The following NAA15 variants were observed in gnomAD, a reference collection of about 807,000 sequenced individuals.
NAA15 encodes the protein N-alpha-acetyltransferase 15, NatA auxiliary subunit, also known as N-terminal acetyltransferase.
In NAA15, 34 loss-of-function variants were observed where a neutral mutation model predicts 114.0. The observed-to-expected ratio is 0.30, with a 90% CI of 0.23 to 0.40. The LOEUF (loss-of-function observed/expected upper bound fraction) is 0.40. NAA15 is among the 10% of genes least tolerant of loss of function. NAA15 has a pLI of 1.00. For synonymous variants in NAA15, 340 were observed against 338.0 expected (o/e 1.01, Z -0.06); for missense variants, 658 against 1,004.5 (o/e 0.66, Z 4.66).
Position 139,349,547 on chromosome 4 carries a change from C to G in NAA15, c.777C>G (p.Ala259=), listed in dbSNP as rs758577943. The change falls in exon 7 of 20, where the codon GCC becomes GCG. Residue 259 remains alanine, a synonymous_variant. Transcript: ENST00000296543. ...AAGAGAGAAATCCTGAAAACTGGGC[C>G]TATTACAAAGGCTTGGAAAAAGCAC... ...GLQERNPENW[A]YYKGLEKALK... 6.2e-7 allele frequency: 1 copy of G among 1,611,382 alleles called. No homozygotes were observed. Among genetic ancestry groups the G allele is most frequent in the South Asian group, 1.1e-5 (1 of 89,996 alleles).
At chr4:139,369,755 AAAAG>A (rs1408910834) in intron 14 of NAA15, among the ~76,000 whole-genome samples, 1 of 151,926 alleles carries the variant, frequency 6.6e-6, no homozygotes, top group Non-Finnish European at 1.5e-5. Context: ...AAAAAAAAAA[AAAAG>A]GCTACATACA....
chr4:139,374,062 G>A (rs768837970), intron 15 of NAA15, among the ~76,000 whole-genome samples: 8 of 152,000 alleles, frequency 5.3e-5, no homozygotes, highest in Non-Finnish European at 1.2e-4. Context: ...TGATTCCTTA[G>A]TACAGTAGTC....
intron 15 of NAA15, among the ~76,000 whole-genome samples, chr4:139,371,955 A>G (rs1472244500): frequency 3.3e-5 from 5 of 151,944 alleles, no homozygotes; most frequent in Non-Finnish European, 7.4e-5. Flanking sequence ...TTGCTCTGTT[A>G]CCCAGGCTGG....
At chr4:139,316,061 G>A (rs771887508) in intron 1 of NAA15, among the ~76,000 whole-genome samples, 8 of 150,938 alleles carry the variant, frequency 5.3e-5, no homozygotes, top group South Asian at 2.1e-4. Context: ...ATTCTTCCTC[G>A]TCAATACCTT....
At chr4:139,340,764 A>G (rs916691548) in intron 3 of NAA15, 148 bp from the exon 4 acceptor site, 17 of 571,340 alleles carry the variant, frequency 3.0e-5, no homozygotes, top group African/African-American at 2.3e-4. Context: ...AAACTGCTTT[A>G]TATCTTTGAA....
chr4:139,364,542 G>A lies in NAA15; in HGVS notation c.1753+2605G>A, dbSNP rs577596871. On this transcript the variant is annotated intron_variant, in intron 14 of 19. Coordinates refer to ENST00000296543, the MANE Select transcript of NAA15 (RefSeq NM_057175.5). ...TATTGAGTAGGTTTTTGTATTCCTCGCTGATTTCAAATGCTACCTTTATCA... is the reference window on the plus strand; with the variant it reads ...TATTGAGTAGGTTTTTGTATTCCTCACTGATTTCAAATGCTACCTTTATCA... 1.4e-4 allele frequency among the ~76,000 whole-genome samples: 22 copies of A among 152,018 alleles called. No homozygotes were observed. The South Asian group carries it at 3.7e-3, about 26-fold the overall frequency.
At chr4:139,312,460 G>GT (rs1232497928) in intron 1 of NAA15, among the ~76,000 whole-genome samples, 10 of 151,814 alleles carry the variant, frequency 6.6e-5, no homozygotes, top group African/African-American at 1.7e-4. Context: ...GTTGCCTGTG[G>GT]TTTTTTTCCT....
At chr4:139,366,436 G>A (rs1418417205) in intron 14 of NAA15, among the ~76,000 whole-genome samples, 1 of 152,034 alleles carries the variant, frequency 6.6e-6, no homozygotes, top group Non-Finnish European at 1.5e-5. Context: ...TTAATGTTCT[G>A]TTCTCCTGAC....
At chr4:139,380,803 T>G (rs1208831277) in intron 17 of NAA15, among the ~76,000 whole-genome samples, 2 of 152,230 alleles carry the variant, frequency 1.3e-5, no homozygotes, top group Admixed American at 1.3e-4. Context: ...TTCATTGCCT[T>G]TATTGAAAAC....
chr4:139,309,714 A>AT (rs1453762613), intron 1 of NAA15, among the ~76,000 whole-genome samples: 2 of 152,198 alleles, frequency 1.3e-5, no homozygotes, highest in Non-Finnish European at 2.9e-5. Context: ...TTTAAAAAAT[A>AT]TTTTTTAAAA....
chr4:139,320,307 A>G (rs1746553087), intron 1 of NAA15, among the ~76,000 whole-genome samples: 1 of 152,184 alleles, frequency 6.6e-6, no homozygotes, highest in South Asian at 2.1e-4. Flanking sequence ...ATTTGGGTCT[A>G]TTCCATGTAT....
At chr4:139,370,435 G>GTGAC (rs1308425878) in intron 15 of NAA15, 31 bp downstream of exon 15, 17 of 1,496,562 alleles carry the variant, frequency 1.1e-5, no homozygotes, top group Non-Finnish European at 1.5e-5. Context: ...GCACAATTGA[G>GTGAC]TGACATTTTA....
chr4:139,359,222 G>A (rs1438766478), intron 11 of NAA15, among the ~76,000 whole-genome samples: 2 of 152,074 alleles, frequency 1.3e-5, no homozygotes, highest in African/African-American at 4.8e-5. Context: ...TGCACCTCCT[G>A]GGTTAAAGTG....
At chr4:139,317,702 C>G (rs1386107186) in intron 1 of NAA15, among the ~76,000 whole-genome samples, 1 of 152,114 alleles carries the variant, frequency 6.6e-6, no homozygotes, top group African/African-American at 2.4e-5. Flanking sequence ...ATGTGCTATG[C>G]TTGAAAATAT....
Position 139,388,294 on chromosome 4 carries a change from T to A in NAA15, c.*210T>A. ...ATAGAGGTTCAGTTTCTTAAAAAAT[T>A]AAAGCTGCTAAAATTGAGTGGTTAA... On this transcript the variant is annotated 3_prime_UTR_variant, in exon 20 of 20. Coordinates refer to ENST00000296543, the MANE Select transcript of NAA15 (RefSeq NM_057175.5). 2.6e-6 allele frequency: 1 copy of A among 379,020 alleles called. No individual in the cohort carries two copies. The highest frequency in any genetic ancestry group is 5.6e-5 in the South Asian group (1 of 17,934). The allele number at this position is 379,020 out of a possible 1,614,324, so 23.5% of individuals were successfully genotyped here. A position where few individuals can be genotyped will look rare whatever the true frequency, so the allele number is the denominator to read the frequency against.
chr4:139,315,008 T>TCAGGTCAGGTCAGGTC (rs1746346084), intron 1 of NAA15, among the ~76,000 whole-genome samples: 1 of 96,684 alleles, frequency 1.0e-5, no homozygotes, highest in Non-Finnish European at 2.1e-5. Flanking sequence ...CAGTTTAGTT[T>TCAGGTCAGGTCAGGTC]AGGTTAGGTT....
At chr4:139,333,578 A>C (rs1747100760) in intron 1 of NAA15, among the ~76,000 whole-genome samples, 1 of 152,148 alleles carries the variant, frequency 6.6e-6, no homozygotes, top group African/African-American at 2.4e-5. Flanking sequence ...TAAAAAGAAA[A>C]TGTTCTTTAG....
intron 1 of NAA15, among the ~76,000 whole-genome samples, chr4:139,320,772 C>T (rs770883330): frequency 6.6e-6 from 1 of 152,152 alleles, no homozygotes; most frequent in Non-Finnish European, 1.5e-5. Context: ...CCGCCCACCT[C>T]GGCCACCCAA....
Position 139,387,907 on chromosome 4 carries a change from C to T in NAA15, c.2424C>T (p.Ala808=), listed in dbSNP as rs1185403518. ...NLQTCMEVLE[A]LYDGSLGDCK... ...AGACATGTATGGAGGTATTGGAAGC[C>T]TTGTATGATGGTAGCCTAGGAGACT... Residue 808 remains alanine (A), a synonymous_variant, in exon 20 of 20, where the codon GCC becomes GCT. Coordinates refer to ENST00000296543, the MANE Select transcript of NAA15 (RefSeq NM_057175.5). 8.7e-6 allele frequency: 14 copies of T among 1,613,714 alleles called. No homozygotes were observed. The highest frequency in any genetic ancestry group is 1.3e-5 in the African/African-American group (1 of 74,864).
Sources: gnomAD v4.1 joint callset for allele counts (sites outside exome capture counted in the v4.1 genomes callset) on GRCh38, gnomAD v4.1.1 for gene constraint, MANE v1.5 for transcripts, NCBI Gene and HGNC (gene_info 2026-07-23, HGNC 2026-07-21) for gene names.